The following STARD9 variants were observed in gnomAD, a reference collection of about 807,000 sequenced individuals.
STARD9 encodes StAR related lipid transfer domain containing 9.
STARD9 carries 346 observed loss-of-function variants against 399.8 expected under a neutral mutation model. The observed-to-expected ratio is 0.87, with a 90% CI of 0.79 to 0.95. The LOEUF is 0.95. STARD9 is among the 40% of genes least tolerant of loss of function. STARD9 has a pLI of 0.00. For synonymous variants in STARD9, 2,203 were observed against 2,143.5 expected (o/e 1.03, Z -0.77); for missense variants, 5,832 against 5,667.5 (o/e 1.03, Z -0.93).
intron 26 of STARD9, among the ~76,000 whole-genome samples, 169 bp downstream of exon 26, chr15:42,696,049 C>T (rs1215134706): frequency 1.3e-5 from 2 of 152,236 alleles, no homozygotes; most frequent in African/African-American, 2.4e-5. Context: ...TTTAGTTCTG[C>T]CCCCTGCTCC....
intron 3 of STARD9, among the ~76,000 whole-genome samples, chr15:42,603,423 C>T (rs961216914): frequency 1.3e-5 from 2 of 152,078 alleles, no homozygotes; most frequent in Non-Finnish European, 2.9e-5. Context: ...CAAAAATAGA[C>T]ATTTTAGAAT....
chr15:42,598,110 C>A (rs1027827570), intron 3 of STARD9, among the ~76,000 whole-genome samples: 1 of 151,182 alleles, frequency 6.6e-6, no homozygotes, highest in Non-Finnish European at 1.5e-5. Context: ...CGGCTCACTG[C>A]AAGCTCCACC....
At chr15:42,639,770 A>T (rs1042834462) in intron 7 of STARD9, among the ~76,000 whole-genome samples, 1 of 151,970 alleles carries the variant, frequency 6.6e-6, no homozygotes, top group African/African-American at 2.4e-5. Flanking sequence ...AGGCTGAGGC[A>T]GGATAATCAC....
intron 10 of STARD9, among the ~76,000 whole-genome samples, chr15:42,661,628 C>CT (rs1284807247): frequency 1.3e-5 from 2 of 151,502 alleles, no homozygotes; most frequent in East Asian, 1.9e-4. Flanking sequence ...TTCTTTCTTT[C>CT]TTTTTTTTAA....
At chr15:42,702,317 C>T (rs1440690997) in intron 26 of STARD9, among the ~76,000 whole-genome samples, 1 of 151,960 alleles carries the variant, frequency 6.6e-6, no homozygotes, top group African/African-American at 2.4e-5. Context: ...GATTCTCCTG[C>T]CTCAGCCTCC....
Position 42,687,884 on chromosome 15 carries a change from C to G in STARD9, c.6306C>G (p.Asp2102Glu). 6.5e-7 allele frequency: 1 copy of G among 1,537,208 alleles called. No individual in the cohort carries two copies. Among genetic ancestry groups the G allele is most frequent in the East Asian group, 2.4e-5 (1 of 40,918 alleles). Residue 2102 changes from aspartate to glutamate, a missense_variant, in exon 23 of 33, where the codon GAC (aspartate) becomes GAG (glutamate). Coordinates refer to ENST00000290607, the MANE Select transcript of STARD9 (RefSeq NM_020759.3). ...AGACTGACCATGCCTTTAGGCCAGA[C>G]AGCTCTGGAAACCCTTTGCCCTCTA... The part of the protein sequence containing the change: ...QEKTDHAFRP[D>E]SSGNPLPSKD...
At chr15:42,651,256 G>T (rs769628108) in intron 8 of STARD9, among the ~76,000 whole-genome samples, 171 bp downstream of exon 8, 1 of 152,130 alleles carries the variant, frequency 6.6e-6, no homozygotes, top group Non-Finnish European at 1.5e-5. Context: ...AAGGGGTGGT[G>T]ACTAAGATTT....
rs761580744 is a variant in STARD9 at position 42,688,900 on chromosome 15, G to A, written c.7322G>A (p.Ser2441Asn). Residue 2441 changes from serine (S) to asparagine (N), a missense_variant, in exon 23 of 33, where the codon AGC becomes AAC. Transcript: ENST00000290607. ...GAGGACAGGATCTCAGCAAGCACCA[G>A]CCCCCAAGACCATGGAAAGGACCTC... ...GTEDRISAST[S>N]PQDHGKDLRI... is the part of the protein sequence containing the mutation. The A allele has an allele frequency of 6.5e-7, 1 of 1,537,344 alleles. No individual in the cohort carries two copies. The highest frequency in any genetic ancestry group is 8.7e-7 in the Non-Finnish European group (1 of 1,146,926).
rs139807598 is a variant in STARD9, at chr15:42,685,000, G to A, written c.3422G>A (p.Ser1141Asn). ...WDFPEPENSE[S>N]DDSQLSEDSL... Reference sequence around the variant, plus strand: ...TTCCCAGAGCCAGAGAACTCTGAAAGTGATGACAGCCAACTATCTGAGGAC... The same window carrying A: ...TTCCCAGAGCCAGAGAACTCTGAAAATGATGACAGCCAACTATCTGAGGAC... Residue 1141 changes from serine to asparagine, a missense_variant, in exon 23 of 33, where the codon AGT (serine) becomes AAT (asparagine). Physicochemically the swap from Ser to Asn is conservative, Grantham distance 46. Around this residue, in one of 2 missense-constraint regions of STARD9, gnomAD observed 5,828 missense variants for 5,651.1 expected, o/e 1.03. Transcript: ENST00000290607. The A allele has an allele frequency of 3.1e-5, 48 of 1,537,126 alleles. No individual in the cohort carries two copies. In the African/African-American group the frequency reaches 6.4e-4, roughly 21 times the overall value.
chr15:42,636,830 C>T (rs2141925117), intron 4 of STARD9, among the ~76,000 whole-genome samples: 1 of 152,138 alleles, frequency 6.6e-6, no homozygotes, highest in African/African-American at 2.4e-5. Flanking sequence ...CTTTGGGAGG[C>T]TAAGGCAGGC....
chr15:42,620,312 C>T (rs1266395882), intron 3 of STARD9, among the ~76,000 whole-genome samples: 4 of 150,664 alleles, frequency 2.7e-5, no homozygotes, highest in African/African-American at 9.8e-5. Context: ...GAGACTATGT[C>T]TCTACAGAAA....
rs2060612779 is a variant in STARD9, at chr15:42,688,414, C to T, written c.6836C>T (p.Pro2279Leu). The change falls in exon 23 of 33, where the codon CCT (proline) becomes CTT (leucine). Residue 2279 changes from proline (P) to leucine (L), a missense_variant. Around this residue, in one of 2 missense-constraint regions of STARD9, gnomAD observed 5,828 missense variants for 5,651.1 expected, o/e 1.03. Coordinates refer to ENST00000290607, the MANE Select transcript of STARD9 (RefSeq NM_020759.3). ...GCTCAAGGTAAAGTTGAAGAAATGC[C>T]TATGCAAAGGGGAGGCAGCCTTCAG... ...PKAQGKVEEMPMQRGGSLQEE... is the reference protein window; with the variant it reads ...PKAQGKVEEMLMQRGGSLQEE... 1 of 1,537,610 alleles carries T rather than the reference C, an allele frequency of 6.5e-7. No homozygotes were observed. The highest frequency in any genetic ancestry group is 1.4e-5 in the African/African-American group (1 of 73,168).
At chr15:42,603,733 G>A (rs1013035773) in intron 3 of STARD9, among the ~76,000 whole-genome samples, 3 of 152,158 alleles carry the variant, frequency 2.0e-5, no homozygotes, top group Non-Finnish European at 4.4e-5. Flanking sequence ...GTCAAAGCTT[G>A]TCTTCTTGTG....
At chr15:42,588,032 G>A (rs1486699190) in intron 3 of STARD9, among the ~76,000 whole-genome samples, 3 of 152,224 alleles carry the variant, frequency 2.0e-5, no homozygotes, top group East Asian at 1.9e-4. Flanking sequence ...TATTTGTGGC[G>A]TAGAAGACAG....
intron 9 of STARD9, among the ~76,000 whole-genome samples, chr15:42,659,228 C>CTA (rs1438152694): frequency 6.6e-6 from 1 of 152,148 alleles, no homozygotes; most frequent in African/African-American, 2.4e-5. Flanking sequence ...AAAGAACTCT[C>CTA]TAAACACCGT....
intron 23 of STARD9, 57 bp downstream of exon 23, chr15:42,694,399 A>G: frequency 6.5e-7 from 1 of 1,533,886 alleles, no homozygotes; most frequent in Non-Finnish European, 8.7e-7. Context: ...AGGAAAGAGA[A>G]CCCAAGAAAG....
At chr15:42,613,194 A>G (rs1182523099) in intron 3 of STARD9, among the ~76,000 whole-genome samples, 2 of 152,000 alleles carry the variant, frequency 1.3e-5, no homozygotes, top group East Asian at 1.9e-4. Context: ...AACTCCTCCT[A>G]TTTGTTATTT....
At chr15:42,709,261 G>A (rs1223673902) in intron 26 of STARD9, among the ~76,000 whole-genome samples, 1 of 152,136 alleles carries the variant, frequency 6.6e-6, no homozygotes, top group African/African-American at 2.4e-5. Context: ...TATGTTGGTG[G>A]TGCATGCCTG....
chr15:42,718,716 T>C (rs1399552911), intron 31 of STARD9, 36 bp from the exon 32 acceptor site: 2 of 1,534,510 alleles, frequency 1.3e-6, no homozygotes, highest in African/African-American at 2.7e-5. Context: ...TTGTCCACAC[T>C]ACACAGGCAG....
Sources: allele counts gnomAD v4.1 joint callset (sites outside exome capture counted in the v4.1 genomes callset), GRCh38; gene constraint gnomAD v4.1.1; regional missense constraint gnomAD v4.1.1; transcripts MANE v1.5; gene names NCBI Gene and HGNC (gene_info 2026-07-23, HGNC 2026-07-21).